HMCN1: variants seen among roughly 807,000 people sequenced by gnomAD.
HMCN1 encodes the protein hemicentin 1, also known as hemicentin-1.
A neutral mutation model predicts 625.9 loss-of-function variants in HMCN1; 321 were observed. That is an observed-to-expected ratio of 0.51 (90% CI 0.47 to 0.56). The LOEUF (loss-of-function observed/expected upper bound fraction) is 0.56, where lower values mean the gene tolerates loss of function less well. Among genes scored for constraint, HMCN1 ranks in the 20% least tolerant of loss-of-function variants. The probability of loss-of-function intolerance (pLI) is 0.00; values close to 1 mark genes in which losing one functional copy is unlikely to be tolerated. For missense variants in HMCN1, 6,588 were observed against 6,887.3 expected, an observed-to-expected ratio of 0.96 and a Z score of 1.54; for synonymous variants, 2,425 against 2,417.6, an observed-to-expected ratio of 1.00 and a Z score of -0.09.
chr1:186,161,827 A>G (rs1357829028), intron 97 of HMCN1, among the ~76,000 whole-genome samples: 12 of 152,260 alleles, frequency 7.9e-5, no homozygotes, highest in African/African-American at 2.6e-4. Context: ...TGGGTAACCC[A>G]ACCTTTCTCT....
chr1:186,083,009 C>A, intron 57 of HMCN1, 48 bp downstream of exon 57: 1 of 1,136,832 alleles, frequency 8.8e-7, no homozygotes, highest in Admixed American at 1.9e-5. Context: ...CTTGGAAAAG[C>A]AGAAAATTTC....
chr1:186,106,385 T>A (rs1273365440), intron 69 of HMCN1, among the ~76,000 whole-genome samples: 1 of 152,186 alleles, frequency 6.6e-6, no homozygotes, highest in Non-Finnish European at 1.5e-5. Context: ...TCATATTACA[T>A]AACATAACTG....
chr1:185,821,932 G>C (rs1660208233), intron 1 of HMCN1, among the ~76,000 whole-genome samples: 1 of 149,742 alleles, frequency 6.7e-6, no homozygotes, highest in African/African-American at 2.5e-5. Context: ...AACCTCAAAT[G>C]AATATTGCTA....
intron 51 of HMCN1, 143 bp from the exon 52 acceptor site, chr1:186,070,469 C>T (rs1658408282): frequency 2.8e-6 from 2 of 721,816 alleles, no homozygotes; most frequent in African/African-American, 1.8e-5. Context: ...AAGATGTTAA[C>T]TTAGATACTT....
chr1:186,074,461 C>T (rs566690802), intron 52 of HMCN1, among the ~76,000 whole-genome samples: 4 of 151,928 alleles, frequency 2.6e-5, no homozygotes, highest in African/African-American at 7.2e-5. Context: ...TAACTAAGAA[C>T]ATATATTTAT....
intron 4 of HMCN1, among the ~76,000 whole-genome samples, chr1:185,881,410 A>G (rs529477319): frequency 4.6e-5 from 7 of 152,310 alleles, no homozygotes; most frequent in Non-Finnish European, 1.0e-4. Flanking sequence ...CTGTCCCTCT[A>G]AAGTCAAGCT....
intron 53 of HMCN1, 51 bp from the exon 54 acceptor site, chr1:186,076,377 C>G (rs1280720607): frequency 6.6e-7 from 1 of 1,524,220 alleles, no homozygotes; most frequent in Non-Finnish European, 9.1e-7. Context: ...CAGCCAAGAT[C>G]TTTGTTTAAG....
intron 11 of HMCN1, among the ~76,000 whole-genome samples, chr1:185,960,786 G>A (rs1649965097): frequency 6.6e-6 from 1 of 152,160 alleles, no homozygotes; most frequent in Non-Finnish European, 1.5e-5. Flanking sequence ...TTTATTTTAG[G>A]AAGATGGGAC....
At chr1:186,074,444 AAT>A (rs1361055091) in intron 52 of HMCN1, among the ~76,000 whole-genome samples, 7 of 152,054 alleles carry the variant, frequency 4.6e-5, no homozygotes, top group African/African-American at 9.6e-5. Context: ...TGAATAAATT[AAT>A]ATGATAACTA....
intron 104 of HMCN1, among the ~76,000 whole-genome samples, chr1:186,180,706 A>G (rs1652880742): frequency 3.3e-5 from 5 of 152,186 alleles, no homozygotes; most frequent in Admixed American, 3.3e-4. Flanking sequence ...CTTTCACAGT[A>G]AGGGTCAATC....
rs189508869 is a variant in HMCN1 at position 185,911,197 on chromosome 1, T to C, written c.794-477T>C. On this transcript the variant is annotated intron_variant, in intron 5 of 106. Transcript: ENST00000271588. ...TCTCTAGAACGACATTTATTCTGGTTTGCTGTGTTTTCCATCTATTTAATC... is the reference window on the plus strand; with the variant it reads ...TCTCTAGAACGACATTTATTCTGGTCTGCTGTGTTTTCCATCTATTTAATC... 5.3e-5 allele frequency among the ~76,000 whole-genome samples: 8 copies of C among 152,296 alleles called. 1 individual carries two copies. The highest frequency in any genetic ancestry group is 3.9e-4 in the Admixed American group (6 of 15,288).
chr1:186,173,535 G>C (rs1264293857), intron 102 of HMCN1, among the ~76,000 whole-genome samples: 3 of 151,490 alleles, frequency 2.0e-5, no homozygotes, highest in Non-Finnish European at 4.4e-5. Context: ...CAGCTACTCT[G>C]GGGGCTGAGG....
chr1:185,761,482 G>A (rs564905316), intron 1 of HMCN1, among the ~76,000 whole-genome samples: 1 of 152,138 alleles, frequency 6.6e-6, no homozygotes, highest in Non-Finnish European at 1.5e-5. Context: ...TTAACTTCGA[G>A]TGGTATTACA....
intron 4 of HMCN1, among the ~76,000 whole-genome samples, chr1:185,877,317 C>CTTTT (rs1664007644): frequency 7.0e-5 from 3 of 42,720 alleles, no homozygotes; most frequent in African/African-American, 2.3e-4. Flanking sequence ...ATCTATGTGT[C>CTTTT]TTTCTTTTTT....
intron 7 of HMCN1, 143 bp downstream of exon 7, chr1:185,922,642 A>C: frequency 1.3e-6 from 1 of 761,480 alleles, no homozygotes. Context: ...TCTTGGCCTA[A>C]TCACTTTCTC....
chr1:186,176,021 A>C (rs1265514573), intron 103 of HMCN1, among the ~76,000 whole-genome samples: 1 of 152,176 alleles, frequency 6.6e-6, no homozygotes, highest in Non-Finnish European at 1.5e-5. Context: ...ATTTTATTCT[A>C]CCTTCCTGTA....
chr1:185,994,694 C>T (rs1024202601), intron 23 of HMCN1, 121 bp from the exon 24 acceptor site: 279 of 994,484 alleles, frequency 2.8e-4, no homozygotes, highest in Non-Finnish European at 4.1e-4. Flanking sequence ...GAGCCTAGGT[C>T]CAAATTCTGA....
intron 43 of HMCN1, 25 bp downstream of exon 43, chr1:186,053,099 T>C: frequency 6.3e-7 from 1 of 1,588,198 alleles, no homozygotes; most frequent in Non-Finnish European, 8.6e-7. Context: ...TTGAAATTTA[T>C]AAAATTAAAG....
chr1:185,830,703 A>T (rs984672979), intron 1 of HMCN1, among the ~76,000 whole-genome samples: 3 of 152,072 alleles, frequency 2.0e-5, no homozygotes, highest in Admixed American at 2.0e-4. Context: ...ACTGGGTCAC[A>T]TGGCAAGACC....
Sources: allele counts gnomAD v4.1 joint callset (sites outside exome capture counted in the v4.1 genomes callset), GRCh38; gene constraint gnomAD v4.1.1; transcripts MANE v1.5; gene names NCBI Gene and HGNC (gene_info 2026-07-23, HGNC 2026-07-21).